Variants in ASIC2 observed in about 807,000 individuals in gnomAD.
ASIC2 encodes the protein acid-sensing ion channel 2.
Under a neutral mutation model 57.3 loss-of-function variants are expected in ASIC2, and 25 were observed. The observed-to-expected ratio is 0.44, with a 90% CI of 0.32 to 0.61. The LOEUF is 0.61. Among genes scored for constraint, ASIC2 ranks in the 20% least tolerant of loss-of-function variants. The probability of loss-of-function intolerance (pLI) is 0.06; values close to 1 mark genes in which losing one functional copy is unlikely to be tolerated. For missense variants in ASIC2, 641 were observed against 738.1 expected (o/e 0.87, Z 1.52); for synonymous variants, 319 against 307.5 (o/e 1.04, Z -0.39).
chr17:33,245,061 TATACTA>T (rs1908643722), intron 1 of ASIC2, among the ~76,000 whole-genome samples: 1 of 152,156 alleles, frequency 6.6e-6, no homozygotes, highest in Non-Finnish European at 1.5e-5. Flanking sequence ...ACATAATAAT[TATACTA>T]ATATAGATCA....
intron 1 of ASIC2, among the ~76,000 whole-genome samples, chr17:33,568,350 T>C (rs1209735232): frequency 6.6e-6 from 1 of 152,254 alleles, no homozygotes; most frequent in Non-Finnish European, 1.5e-5. Context: ...ACAAAAAGCA[T>C]TTTTATATAT....
In ASIC2 at chr17:33,959,610, T is replaced by A. The variant is rs373264916; in HGVS notation, c.555+196368A>T. Among the ~76,000 whole-genome samples, 333 of 152,308 alleles carry A rather than the reference T, an allele frequency of 2.2e-3. 5 individuals are homozygous for A. The highest frequency in any genetic ancestry group is 7.8e-3 in the African/African-American group (324 of 41,568). Reference sequence around the variant, plus strand: ...AAAAGCTGAAGAACTTTGAGTCTGATGTTCAAGGGCAGGAAGCATCCAGCA... The same window carrying A: ...AAAAGCTGAAGAACTTTGAGTCTGAAGTTCAAGGGCAGGAAGCATCCAGCA... On this transcript the variant is annotated intron_variant, in intron 1 of 9. Coordinates refer to the ASIC2 transcript ENST00000359872.
At chr17:33,371,375 G>A (rs1219453744) in intron 1 of ASIC2, among the ~76,000 whole-genome samples, 1 of 152,202 alleles carries the variant, frequency 6.6e-6, no homozygotes, top group East Asian at 1.9e-4. Context: ...GCTTGTGTGA[G>A]CCAAAAGAAA....
At chr17:33,405,312 T>G (rs1910429754) in intron 1 of ASIC2, among the ~76,000 whole-genome samples, 1 of 152,040 alleles carries the variant, frequency 6.6e-6, no homozygotes, top group Non-Finnish European at 1.5e-5. Context: ...ACAATAGGAA[T>G]AGAAAAATGG....
At chr17:33,093,969 A>G (rs1223497754) in intron 2 of ASIC2, among the ~76,000 whole-genome samples, 1 of 152,178 alleles carries the variant, frequency 6.6e-6, no homozygotes. Flanking sequence ...ACAGTGGCTG[A>G]GTGGGGGAAC....
intron 1 of ASIC2, among the ~76,000 whole-genome samples, chr17:33,880,375 A>G (rs1180360353): frequency 1.3e-5 from 2 of 152,230 alleles, no homozygotes; most frequent in African/African-American, 4.8e-5. Flanking sequence ...CTAATAAAGA[A>G]GAAAAGAGAG....
chr17:33,965,591 A>T (rs2141994815), intron 1 of ASIC2, among the ~76,000 whole-genome samples: 2 of 152,354 alleles, frequency 1.3e-5, no homozygotes, highest in African/African-American at 4.8e-5. Context: ...ATGAACACTT[A>T]TCTGTACTAG....
chr17:33,561,529 C>T (rs1397150769), intron 1 of ASIC2, among the ~76,000 whole-genome samples: 1 of 152,192 alleles, frequency 6.6e-6, no homozygotes, highest in Non-Finnish European at 1.5e-5. Flanking sequence ...GAAGACTGAA[C>T]AGAAACAAAA....
At chr17:33,515,998 G>A (rs1368038763) in intron 1 of ASIC2, among the ~76,000 whole-genome samples, 5 of 151,964 alleles carry the variant, frequency 3.3e-5, no homozygotes, top group African/African-American at 1.2e-4. Context: ...TTGGGGCGGG[G>A]GATGGCTGAA....
chr17:33,296,149 T>TA (rs1905713460), upstream of ASIC2, among the ~76,000 whole-genome samples: 2 of 152,226 alleles, frequency 1.3e-5, no homozygotes, highest in Admixed American at 1.3e-4. Flanking sequence ...TAGGGCCTCC[T>TA]GTAAGTGTTT....
At chr17:33,127,636 T>C (rs910107976) in intron 1 of ASIC2, among the ~76,000 whole-genome samples, 1 of 152,018 alleles carries the variant, frequency 6.6e-6, no homozygotes, top group Non-Finnish European at 1.5e-5. Flanking sequence ...TTTCTACAGG[T>C]TTAAGTCTTG....
At chr17:33,890,869 T>A (rs1186966866) in intron 1 of ASIC2, among the ~76,000 whole-genome samples, 1 of 151,494 alleles carries the variant, frequency 6.6e-6, no homozygotes, top group Admixed American at 6.6e-5. Context: ...ATACTGTCCT[T>A]CAGATCAGCA....
intron 1 of ASIC2, among the ~76,000 whole-genome samples, chr17:33,587,485 G>A (rs1904676204): frequency 6.6e-6 from 1 of 152,206 alleles, no homozygotes; most frequent in Non-Finnish European, 1.5e-5. Flanking sequence ...AGAGTTGTAA[G>A]GAAAAAGGAG....
At chr17:33,831,800 T>C (rs1913122190) in intron 1 of ASIC2, among the ~76,000 whole-genome samples, 1 of 152,060 alleles carries the variant, frequency 6.6e-6, no homozygotes, top group African/African-American at 2.4e-5. Context: ...GAGTTTGTTC[T>C]AGAAGAGCAA....
chr17:33,656,377 C>T (rs556489892), intron 1 of ASIC2, among the ~76,000 whole-genome samples: 1 of 152,264 alleles, frequency 6.6e-6, no homozygotes, highest in Non-Finnish European at 1.5e-5. Context: ...TACATTAAAG[C>T]ATCAGCTTCT....
At chr17:33,354,918 G>A (rs567898085) in intron 1 of ASIC2, among the ~76,000 whole-genome samples, 1 of 152,138 alleles carries the variant, frequency 6.6e-6, no homozygotes, top group South Asian at 2.1e-4. Context: ...CAGGCACCCA[G>A]TACACATCTG....
intron 1 of ASIC2, among the ~76,000 whole-genome samples, chr17:33,273,563 GAGTACTCCTTCATGCC>G (rs888768645): frequency 6.6e-6 from 1 of 152,146 alleles, no homozygotes; most frequent in African/African-American, 2.4e-5. Context: ...TGGAGGTGGG[GAGTACTCCTTCATGCC>G]AGGACCCAGT....
intron 1 of ASIC2, among the ~76,000 whole-genome samples, chr17:33,171,418 C>A (rs1322407525): frequency 1.3e-5 from 2 of 152,216 alleles, no homozygotes; most frequent in Non-Finnish European, 2.9e-5. Context: ...GGAGCCATCA[C>A]ACATCCAGTT....
At chr17:33,403,891 C>G (rs991456880) in intron 1 of ASIC2, among the ~76,000 whole-genome samples, 18 of 152,174 alleles carry the variant, frequency 1.2e-4, no homozygotes, top group Non-Finnish European at 2.9e-5. Context: ...GCTGGGACAT[C>G]AGAAAGATGG....
Sources: allele counts gnomAD v4.1 joint callset (sites outside exome capture counted in the v4.1 genomes callset), GRCh38; gene constraint gnomAD v4.1.1; transcripts MANE v1.5; gene names NCBI Gene and HGNC (gene_info 2026-07-23, HGNC 2026-07-21).